Variants in RRM2B observed in about 807,000 individuals in gnomAD.
RRM2B encodes ribonucleotide reductase regulatory TP53 inducible subunit M2B.
Under a neutral mutation model 45.9 loss-of-function variants are expected in RRM2B, and 20 were observed. The ratio of observed to expected loss-of-function variants is 0.44; its 90% confidence interval spans 0.31 to 0.63. The LOEUF (loss-of-function observed/expected upper bound fraction) is 0.63. Among genes scored for constraint, RRM2B ranks in the 30% least tolerant of loss-of-function variants. The pLI is 0.09. For missense variants in RRM2B, 320 were observed against 414.7 expected (o/e 0.77, Z 1.98); for synonymous variants, 124 against 132.3 (o/e 0.94, Z 0.43).
chr8:102,237,810 T>C (rs1811147290), intron 1 of RRM2B, among the ~76,000 whole-genome samples: 1 of 152,230 alleles, frequency 6.6e-6, no homozygotes, highest in South Asian at 2.1e-4. Context: ...TACAGTTAGT[T>C]ACTAAATGCT....
chr8:102,217,034 T>C (rs1351114347), intron 6 of RRM2B, among the ~76,000 whole-genome samples: 2 of 152,216 alleles, frequency 1.3e-5, no homozygotes, highest in African/African-American at 2.4e-5. Flanking sequence ...AAAGCTTATA[T>C]ATATGTAAAG....
intron 6 of RRM2B, among the ~76,000 whole-genome samples, chr8:102,215,624 C>G (rs1335339719): frequency 6.6e-6 from 1 of 151,766 alleles, no homozygotes; most frequent in Admixed American, 6.6e-5. Context: ...AGGTCAAGTA[C>G]CTAAATGGGA....
At chr8:102,228,971 C>A (rs1810981752) in intron 2 of RRM2B, among the ~76,000 whole-genome samples, 1 of 152,158 alleles carries the variant, frequency 6.6e-6, no homozygotes, top group Non-Finnish European at 1.5e-5. Context: ...CTAACAAACC[C>A]TCGGCTGGGC....
chr8:102,215,710 C>T (rs140707299), intron 6 of RRM2B, among the ~76,000 whole-genome samples: 235 of 151,956 alleles, frequency 1.5e-3, no homozygotes, highest in African/African-American at 5.3e-3. Context: ...CTTTGGGAGG[C>T]CAAGTTGGGA....
intron 1 of RRM2B, among the ~76,000 whole-genome samples, chr8:102,237,933 A>G (rs1811150415): frequency 6.6e-6 from 1 of 152,268 alleles, no homozygotes; most frequent in Admixed American, 6.5e-5. Context: ...TTTCCCCCAA[A>G]TCTTCACAGT....
At chr8:102,218,148 A>C (rs1810763679) in intron 6 of RRM2B, among the ~76,000 whole-genome samples, 1 of 152,180 alleles carries the variant, frequency 6.6e-6, no homozygotes, top group Non-Finnish European at 1.5e-5. Flanking sequence ...TTAGGAAAGA[A>C]TATCTGGGAC....
intron 1 of RRM2B, among the ~76,000 whole-genome samples, chr8:102,234,540 G>GA (rs576796828): frequency 3.3e-5 from 5 of 149,392 alleles, no homozygotes; most frequent in South Asian, 4.2e-4. Context: ...TATTTTAGAA[G>GA]AAAAAAAAAA....
At chr8:102,208,379 C>G in intron 8 of RRM2B, 94 bp from the exon 9 acceptor site, 2 of 885,618 alleles carry the variant, frequency 2.3e-6, no homozygotes, top group Non-Finnish European at 3.6e-6. Context: ...TCAGGTTTCT[C>G]AAAACCTATC....
rs573988026 is a variant in RRM2B at position 102,225,391 on chromosome 8, G to A, written c.322-373C>T. Among the ~76,000 whole-genome samples the A allele has an allele frequency of 1.3e-4, 20 of 151,916 alleles. No homozygotes were observed. In the East Asian group the frequency reaches 1.4e-3, roughly 10 times the overall value. ...TGGGGCTACAGGCATGCGCCAACAC[G>A]CCCAGCTAATTTTTGTATTTTTAGT... On this transcript the variant is annotated intron_variant, in intron 3 of 8. Coordinates refer to ENST00000251810, the MANE Select transcript of RRM2B (RefSeq NM_015713.5).
intron 5 of RRM2B, among the ~76,000 whole-genome samples, chr8:102,221,929 G>C (rs946289828): frequency 1.3e-5 from 2 of 152,100 alleles, no homozygotes; most frequent in African/African-American, 4.8e-5. Context: ...AGCTCCTTGT[G>C]AGGGAATCAG....
At chr8:102,216,781 C>T (rs1416323498) in intron 6 of RRM2B, among the ~76,000 whole-genome samples, 2 of 151,950 alleles carry the variant, frequency 1.3e-5, no homozygotes, top group Non-Finnish European at 2.9e-5. Flanking sequence ...AATAATTAAA[C>T]AATGCAAATA....
intron 8 of RRM2B, among the ~76,000 whole-genome samples, chr8:102,210,645 T>C (rs181559222): frequency 2.2e-4 from 33 of 152,286 alleles, no homozygotes; most frequent in Non-Finnish European, 3.4e-4. Context: ...GTATTTTTAG[T>C]AGAGACAGGG....
chr8:102,213,094 G>C (rs1049690687), intron 7 of RRM2B, among the ~76,000 whole-genome samples: 5 of 152,018 alleles, frequency 3.3e-5, no homozygotes, highest in Non-Finnish European at 5.9e-5. Context: ...TCATGTTTTC[G>C]AAGAGCCAAA....
chr8:102,214,542 C>T (rs966773460), intron 6 of RRM2B, among the ~76,000 whole-genome samples: 1 of 150,910 alleles, frequency 6.6e-6, no homozygotes, highest in African/African-American at 2.4e-5. Flanking sequence ...ATTTAAATAA[C>T]AGATGAAACT....
chr8:102,229,278 A>AC (rs1810988031), intron 2 of RRM2B, among the ~76,000 whole-genome samples: 5 of 149,786 alleles, frequency 3.3e-5, no homozygotes, highest in Admixed American at 1.3e-4. Context: ...CAACAACAAA[A>AC]AAAAAAAAAC....
At chr8:102,227,941 A>G (rs2607660) in intron 2 of RRM2B, among the ~76,000 whole-genome samples, 151,826 of 152,312 alleles carry the variant, frequency 1, 75,695 homozygotes, top group Middle Eastern at 1. Flanking sequence ...CACAGCATAT[A>G]TAGACATCAT....
At chr8:102,228,783 C>A (rs187775837) in intron 2 of RRM2B, among the ~76,000 whole-genome samples, 2 of 152,352 alleles carry the variant, frequency 1.3e-5, no homozygotes, top group South Asian at 2.1e-4. Context: ...CCCCTGCCAG[C>A]GCCAAAGCAG....
Position 102,206,333 on chromosome 8 carries a change from A to G in RRM2B, c.*1800T>C, listed in dbSNP as rs546068811. On this transcript the variant is annotated 3_prime_UTR_variant, in exon 9 of 9. Coordinates refer to ENST00000251810, the MANE Select transcript of RRM2B (RefSeq NM_015713.5). The stretch of plus-strand genomic sequence containing the variant: ...CATTCTTTCCATCTGTAATATTTCA[A>G]TAACAGTTGCTCTGTCAAGCTGTTT... 1 of 152,294 alleles carries G rather than the reference A, an allele frequency of 6.6e-6. No homozygotes were observed. The highest frequency in any genetic ancestry group is 6.5e-5 in the Admixed American group (1 of 15,302). 9.4% of individuals were successfully genotyped at this position (152,294 alleles called of 1,614,324 possible).
intron 6 of RRM2B, among the ~76,000 whole-genome samples, chr8:102,217,045 G>C (rs893086537): frequency 2.0e-5 from 3 of 151,864 alleles, no homozygotes; most frequent in African/African-American, 7.3e-5. Flanking sequence ...ATATGTAAAG[G>C]TATTCATTTT....
Sources: gnomAD v4.1 joint callset for allele counts (sites outside exome capture counted in the v4.1 genomes callset) on GRCh38, gnomAD v4.1.1 for gene constraint, MANE v1.5 for transcripts, NCBI Gene and HGNC (gene_info 2026-07-23, HGNC 2026-07-21) for gene names.